The following RIN2 variants were observed in gnomAD, a reference collection of about 807,000 sequenced individuals.
The protein encoded by RIN2 is RAB5 interacting protein 2.
A neutral mutation model predicts 78.0 loss-of-function variants in RIN2; 36 were observed. The observed-to-expected ratio is 0.46, with a 90% CI of 0.35 to 0.61. The LOEUF (loss-of-function observed/expected upper bound fraction) is 0.61. Ranked by LOEUF, RIN2 falls within the 20% of genes least tolerant of loss-of-function variation. The pLI, the probability that RIN2 is intolerant of heterozygous loss-of-function variation, is 0.00. For missense variants in RIN2, 1,087 were observed against 1,159.7 expected, an observed-to-expected ratio of 0.94 and a Z score of 0.91; for synonymous variants, 466 against 466.8, an observed-to-expected ratio of 1.00 and a Z score of 0.02.
intron 3 of RIN2, among the ~76,000 whole-genome samples, chr20:19,912,410 T>C (rs1282060512): frequency 1.3e-5 from 2 of 152,014 alleles, no homozygotes; most frequent in Non-Finnish European, 2.9e-5. Flanking sequence ...AGGAGGCCTG[T>C]TCCCATCAGG....
intron 2 of RIN2, among the ~76,000 whole-genome samples, chr20:19,857,115 C>T (rs542718407): frequency 2.6e-4 from 39 of 152,222 alleles, no homozygotes; most frequent in African/African-American, 9.1e-4. Flanking sequence ...GTTTCCTGTC[C>T]CTTTCCTAGT....
At chr20:19,926,650 C>T (rs1040577) in intron 3 of RIN2, among the ~76,000 whole-genome samples, 1 of 151,726 alleles carries the variant, frequency 6.6e-6, no homozygotes, top group African/African-American at 2.4e-5. Flanking sequence ...AGCTGATTCC[C>T]GGATTATAAA....
chr20:19,784,649 A>G lies in RIN2; in HGVS notation c.-162-14973A>G, dbSNP rs968757892. Among the ~76,000 whole-genome samples the G allele has an allele frequency of 2.0e-5, 3 of 152,292 alleles. No individual in the cohort carries two copies. The South Asian group carries it at 6.2e-4, about 32-fold the overall frequency. On this transcript the variant is annotated intron_variant, in intron 1 of 12. Coordinates refer to ENST00000255006, the MANE Select transcript of RIN2 (RefSeq NM_018993.4). Reference sequence around the variant, plus strand: ...AAGAGACAAAATTCTACAGACTTCAAATTTCCTGTAAGTAGTGAGAGAAGT... The same window carrying G: ...AAGAGACAAAATTCTACAGACTTCAGATTTCCTGTAAGTAGTGAGAGAAGT...
chr20:19,815,754 A>G (rs1568778246), intron 2 of RIN2, among the ~76,000 whole-genome samples: 1 of 152,206 alleles, frequency 6.6e-6, no homozygotes, highest in Non-Finnish European at 1.5e-5. Flanking sequence ...TACACCACAG[A>G]GTCCTGTGGG....
At chr20:19,761,783 C>A (rs991788937) in intron 1 of RIN2, among the ~76,000 whole-genome samples, 1 of 152,204 alleles carries the variant, frequency 6.6e-6, no homozygotes, top group Non-Finnish European at 1.5e-5. Flanking sequence ...TGAATAGGTT[C>A]TTTGGGTTTG....
chr20:19,996,915 G>A, intron 12 of RIN2, 73 bp downstream of exon 12: 1 of 1,418,810 alleles, frequency 7.0e-7, no homozygotes, highest in East Asian at 2.5e-5. Flanking sequence ...GCACATCCCA[G>A]CTCAGAGGTC....
At chr20:19,953,119 C>T (rs1323067731) in intron 4 of RIN2, among the ~76,000 whole-genome samples, 6 of 151,378 alleles carry the variant, frequency 4.0e-5, no homozygotes, top group African/African-American at 4.9e-5. Context: ...CTTGGTTGCA[C>T]GTTGGGATCC....
intron 3 of RIN2, among the ~76,000 whole-genome samples, chr20:19,893,005 G>A (rs2038552509): frequency 6.6e-6 from 1 of 152,138 alleles, no homozygotes; most frequent in African/African-American, 2.4e-5. Context: ...CTAACCTCAT[G>A]GAGCTTTCAG....
intron 2 of RIN2, among the ~76,000 whole-genome samples, chr20:19,834,176 C>T (rs543907178): frequency 2.6e-5 from 4 of 152,272 alleles, no homozygotes; most frequent in Admixed American, 2.6e-4. Flanking sequence ...TGGATCAGCC[C>T]ATAGGCAGCT....
At chr20:19,976,857 C>T (rs985962346) in intron 9 of RIN2, among the ~76,000 whole-genome samples, 1 of 152,068 alleles carries the variant, frequency 6.6e-6, no homozygotes, top group African/African-American at 2.4e-5. Flanking sequence ...TCTCTCTCCT[C>T]TCTTTTTTCT....
chr20:19,811,858 A>G (rs939614194), intron 2 of RIN2, among the ~76,000 whole-genome samples: 1 of 151,958 alleles, frequency 6.6e-6, no homozygotes, highest in Non-Finnish European at 1.5e-5. Context: ...AAAAAAAAAA[A>G]GCTTTGTTTG....
intron 3 of RIN2, among the ~76,000 whole-genome samples, chr20:19,892,269 T>G (rs1021531452): frequency 6.6e-6 from 1 of 152,226 alleles, no homozygotes; most frequent in East Asian, 1.9e-4. Context: ...CAGGCTGGTG[T>G]GCAGTGGTGC....
chr20:19,889,701 T>G, intron 3 of RIN2, 43 bp downstream of exon 3: 1 of 1,401,674 alleles, frequency 7.1e-7, no homozygotes, highest in East Asian at 2.7e-5. Context: ...GTCGGCTTGC[T>G]GCCTGAGCCT....
intron 2 of RIN2, among the ~76,000 whole-genome samples, chr20:19,872,495 A>G (rs2037719390): frequency 6.6e-6 from 1 of 152,264 alleles, no homozygotes; most frequent in African/African-American, 2.4e-5. Flanking sequence ...ATACACTCCT[A>G]TGCACGTCTT....
chr20:19,912,842 G>A lies in RIN2; in HGVS notation c.58-22257G>A, dbSNP rs554248642. ...CAGGTTTTTCTTCTCCATCCTGAAT[G>A]TTTGATGTCACTAGGAAATGGAAAA... On this transcript the variant is annotated intron_variant, in intron 3 of 12. Transcript: ENST00000255006. Among the ~76,000 whole-genome samples, 43 of 152,296 alleles carry A rather than the reference G, an allele frequency of 2.8e-4. 1 individual carries two copies. The highest frequency in any genetic ancestry group is 6.8e-3 in the Middle Eastern group (2 of 294).
chr20:19,882,629 G>A (rs1290025868), intron 2 of RIN2, among the ~76,000 whole-genome samples: 2 of 152,166 alleles, frequency 1.3e-5, no homozygotes, highest in East Asian at 1.9e-4. Flanking sequence ...ACGGGCTGAG[G>A]TGGCTTATGA....
chr20:19,867,204 T>C (rs567016283), intron 2 of RIN2, among the ~76,000 whole-genome samples: 1 of 152,288 alleles, frequency 6.6e-6, no homozygotes, highest in South Asian at 2.1e-4. Flanking sequence ...CATGCTCATG[T>C]GCACACACAC....
chr20:19,854,284 C>A (rs1176824741), intron 2 of RIN2, among the ~76,000 whole-genome samples: 2 of 152,280 alleles, frequency 1.3e-5, no homozygotes, highest in African/African-American at 4.8e-5. Context: ...TTACTGTAGC[C>A]TTGTAGTATA....
intron 9 of RIN2, among the ~76,000 whole-genome samples, chr20:19,980,620 G>T (rs928751306): frequency 2.0e-5 from 3 of 152,198 alleles, no homozygotes; most frequent in Admixed American, 2.0e-4. Flanking sequence ...AGGAATTCAT[G>T]TAGGAATTGA....
Sources: allele counts gnomAD v4.1 joint callset (sites outside exome capture counted in the v4.1 genomes callset), GRCh38; gene constraint gnomAD v4.1.1; transcripts MANE v1.5; gene names NCBI Gene and HGNC (gene_info 2026-07-23, HGNC 2026-07-21).